ANKRD55: variants seen among roughly 807,000 people sequenced by gnomAD.
ANKRD55 encodes ankyrin repeat domain-containing protein 55.
ANKRD55 carries 41 observed loss-of-function variants against 60.6 expected under a neutral mutation model. The ratio of observed to expected loss-of-function variants is 0.68; its 90% confidence interval spans 0.53 to 0.88. The LOEUF is 0.88. Ranked by LOEUF, ANKRD55 falls within the 40% of genes least tolerant of loss-of-function variation. The pLI is 0.00. For missense variants in ANKRD55, 732 were observed against 767.6 expected (o/e 0.95, Z 0.55); for synonymous variants, 264 against 290.3 (o/e 0.91, Z 0.92).
chr5:56,217,813 A>G (rs945129727), intron 2 of ANKRD55, among the ~76,000 whole-genome samples: 1 of 151,704 alleles, frequency 6.6e-6, no homozygotes, highest in Non-Finnish European at 1.5e-5. Context: ...GGAGAATGGC[A>G]TGAACCCAGG....
At chr5:56,183,181 T>C (rs1758886807) in intron 3 of ANKRD55, among the ~76,000 whole-genome samples, 1 of 152,242 alleles carries the variant, frequency 6.6e-6, no homozygotes, top group Non-Finnish European at 1.5e-5. Flanking sequence ...ACCAAAGAAA[T>C]GCATCTACTC....
chr5:56,231,797 T>C (rs1488715550), intron 2 of ANKRD55, among the ~76,000 whole-genome samples: 1 of 152,108 alleles, frequency 6.6e-6, no homozygotes, highest in East Asian at 1.9e-4. Flanking sequence ...ATAAATTTAT[T>C]TTTGGAGAAA....
chr5:56,215,593 T>C (rs1759785253), intron 2 of ANKRD55, among the ~76,000 whole-genome samples: 1 of 152,162 alleles, frequency 6.6e-6, no homozygotes. Flanking sequence ...AAGGGGTTGA[T>C]TGGGTGGACT....
At chr5:56,131,122 T>A in intron 7 of ANKRD55, among the ~76,000 whole-genome samples, 1 of 149,836 alleles carries the variant, frequency 6.7e-6, no homozygotes, top group African/African-American at 2.5e-5. Flanking sequence ...ACACAAAAGC[T>A]CAGAGAACAC....
At chr5:56,131,151 A>G (rs1175231747) in intron 7 of ANKRD55, among the ~76,000 whole-genome samples, 1 of 137,644 alleles carries the variant, frequency 7.3e-6, no homozygotes, top group African/African-American at 2.5e-5. Context: ...ATAAATGCCA[A>G]AAACAACAAA....
intron 2 of ANKRD55, among the ~76,000 whole-genome samples, chr5:56,192,116 CCTCTCT>C (rs59932527): frequency 0.16 from 23,851 of 150,306 alleles, 3,456 homozygotes; most frequent in African/African-American, 0.38. Flanking sequence ...TCCTATTGCT[CCTCTCT>C]CTCTCTCTCT....
chr5:56,102,251 G>T (rs762478832), intron 11 of ANKRD55, among the ~76,000 whole-genome samples: 1 of 152,064 alleles, frequency 6.6e-6, no homozygotes, highest in Non-Finnish European at 1.5e-5. Context: ...TTAGCCAGGC[G>T]TGGTGGCAGG....
intron 3 of ANKRD55, among the ~76,000 whole-genome samples, chr5:56,177,676 G>A (rs1218568493): frequency 6.6e-6 from 1 of 152,116 alleles, no homozygotes; most frequent in Non-Finnish European, 1.5e-5. Flanking sequence ...TCAGGAGGCT[G>A]AGGCAGGAGA....
At chr5:56,178,802 A>C (rs1191204020) in intron 3 of ANKRD55, among the ~76,000 whole-genome samples, 1 of 119,996 alleles carries the variant, frequency 8.3e-6, no homozygotes, top group Non-Finnish European at 1.6e-5. Context: ...GAATCTATAC[A>C]TTCATTGCAA....
At chr5:56,187,006 G>C (rs1208196884) in intron 2 of ANKRD55, among the ~76,000 whole-genome samples, 1 of 152,150 alleles carries the variant, frequency 6.6e-6, no homozygotes. Flanking sequence ...GTTCATCACT[G>C]AGTGCAATAA....
chr5:56,189,062 A>T (rs1306552033), intron 2 of ANKRD55, among the ~76,000 whole-genome samples: 1 of 152,154 alleles, frequency 6.6e-6, no homozygotes, highest in Non-Finnish European at 1.5e-5. Context: ...GAGGTGAGTG[A>T]CTGGAGGTAT....
chr5:56,128,410 G>A (rs1185684925), intron 7 of ANKRD55, among the ~76,000 whole-genome samples: 1 of 152,180 alleles, frequency 6.6e-6, no homozygotes, highest in Non-Finnish European at 1.5e-5. Flanking sequence ...AGAGGCTGCT[G>A]CTTCTGGGAT....
intron 2 of ANKRD55, among the ~76,000 whole-genome samples, chr5:56,186,520 T>A (rs2111836402): frequency 1.3e-5 from 2 of 152,296 alleles, no homozygotes; most frequent in Middle Eastern, 6.8e-3. Context: ...ACCTCTCTTA[T>A]AAGTTTGTTG....
Position 56,135,255 on chromosome 5 carries a change from C to T in ANKRD55, c.613-8149G>A, listed in dbSNP as rs58567258. ...CCTTCCTTCCTTCCTTCCTTCCTTC[C>T]TTCCTTCTTTCCCTCCCTCCCTCCC... On this transcript the variant is annotated intron_variant, in intron 7 of 11. Transcript: ENST00000341048. 2.8e-3 allele frequency among the ~76,000 whole-genome samples: 380 copies of T among 135,576 alleles called. 8 individuals are homozygous for T. The highest frequency in any genetic ancestry group is 3.9e-3 in the Non-Finnish European group (249 of 64,470). 88.9% of individuals were successfully genotyped at this position (135,576 alleles called of 152,430 possible). A position where few individuals can be genotyped will look rare whatever the true frequency, so the allele number is the denominator to read the frequency against.
chr5:56,175,984 A>G (rs1271474196), intron 4 of ANKRD55, among the ~76,000 whole-genome samples, 168 bp downstream of exon 4: 1 of 152,104 alleles, frequency 6.6e-6, no homozygotes, highest in Admixed American at 6.5e-5. Context: ...CATGAAACCA[A>G]CTCTAAGTGG....
intron 2 of ANKRD55, among the ~76,000 whole-genome samples, chr5:56,188,702 C>T (rs1345754071): frequency 6.6e-6 from 1 of 152,166 alleles, no homozygotes; most frequent in Non-Finnish European, 1.5e-5. Context: ...CAGTATCATG[C>T]TATTTTGGTT....
intron 7 of ANKRD55, among the ~76,000 whole-genome samples, chr5:56,141,572 C>A (rs989493037): frequency 1.3e-5 from 2 of 152,150 alleles, no homozygotes; most frequent in Non-Finnish European, 2.9e-5. Flanking sequence ...TTAGTAGAGA[C>A]AAAGAGTATG....
rs543995874 is a variant in ANKRD55 at position 56,214,772 on chromosome 5, T to A, written c.58+18084A>T. 2.6e-5 allele frequency among the ~76,000 whole-genome samples: 4 copies of A among 152,304 alleles called. No individual in the cohort carries two copies. The South Asian group carries it at 8.3e-4, about 32-fold the overall frequency. On this transcript the variant is annotated intron_variant, in intron 2 of 11. Coordinates refer to ENST00000341048, the MANE Select transcript of ANKRD55 (RefSeq NM_024669.3). ...TAAGATGAAACACTTCCAGGATCCA[T>A]CCTTAAATTGGTTCCTGCTGTGGCC... is the stretch of plus-strand genomic sequence containing the variant.
rs1561263805 is a variant in ANKRD55, at chr5:56,135,268, C to CCTTCCTTCTT, written c.613-8163_613-8162insAAGAAGGAAG. 7.6e-3 allele frequency among the ~76,000 whole-genome samples: 769 copies of CCTTCCTTCTT among 101,570 alleles called. 31 individuals carry two copies. Among genetic ancestry groups the CCTTCCTTCTT allele is most frequent in the Admixed American group, 0.03 (290 of 9,584 alleles). The allele number at this position is 101,570 out of a possible 152,430, so 66.6% of individuals were successfully genotyped here. A position where few individuals can be genotyped will look rare whatever the true frequency, so the allele number is the denominator to read the frequency against. ...CTTCCTTCCTTCCTTCCTTCTTTCC[C>CCTTCCTTCTT]TCCCTCCCTCCCTGCCTGCCTGCTT... On this transcript the variant is annotated intron_variant, in intron 7 of 11. Coordinates refer to ENST00000341048, the MANE Select transcript of ANKRD55 (RefSeq NM_024669.3).
Sources: gnomAD v4.1 joint callset for allele counts (sites outside exome capture counted in the v4.1 genomes callset) on GRCh38, gnomAD v4.1.1 for gene constraint, MANE v1.5 for transcripts, NCBI Gene and HGNC (gene_info 2026-07-23, HGNC 2026-07-21) for gene names.